Variants in SMG7 observed in about 807,000 individuals in gnomAD.
SMG7 encodes the protein SMG7 nonsense mediated mRNA decay factor.
SMG7 carries 34 observed loss-of-function variants against 148.2 expected under a neutral mutation model. That is an observed-to-expected ratio of 0.23 (90% CI 0.17 to 0.31). The LOEUF (loss-of-function observed/expected upper bound fraction) is 0.31, where lower values mean the gene tolerates loss of function less well. SMG7 is among the 10% of genes least tolerant of loss of function. The probability of loss-of-function intolerance (pLI) is 1.00; values close to 1 mark genes in which losing one functional copy is unlikely to be tolerated. For missense variants in SMG7, 1,114 were observed against 1,408.4 expected (o/e 0.79, Z 3.35); for synonymous variants, 492 against 515.1 (o/e 0.96, Z 0.61).
intron 8 of SMG7, among the ~76,000 whole-genome samples, chr1:183,531,647 G>A (rs1194940757): frequency 1.3e-5 from 2 of 152,096 alleles, no homozygotes; most frequent in Non-Finnish European, 2.9e-5. Flanking sequence ...GTACTAGGGT[G>A]TATTCATATT....
At position 183,546,331 on chromosome 1, in the gene SMG7, G is replaced by A. The variant is rs376353474; in HGVS notation, c.2736G>A (p.Pro912=). Residue 912 remains proline, a synonymous_variant, in exon 17 of 23, where the codon CCG becomes CCA. Coordinates refer to ENST00000688051, the MANE Select transcript of SMG7 (RefSeq NM_001375584.1). ...AGCAGGATCCTGTACCCAGAATGCC[G>A]TTTGAGGTGTGTGTTCTTTCCTATC... ...RPEQDPVPRM[P]FEDPKSSPLL... The A allele has an allele frequency of 1.9e-5, 30 of 1,607,528 alleles. No individual in the cohort carries two copies. Among genetic ancestry groups the A allele is most frequent in the South Asian group, 3.3e-5 (3 of 90,650 alleles).
chr1:183,527,276 G>GT lies in SMG7; in HGVS notation c.484+510dup, dbSNP rs1234052357. 2.0e-5 allele frequency among the ~76,000 whole-genome samples: 3 copies of GT among 152,096 alleles called. No individual in the cohort carries two copies. The highest frequency in any genetic ancestry group is 4.4e-5 in the Non-Finnish European group (3 of 68,034). On this transcript the variant is annotated intron_variant, in intron 5 of 22. Transcript: ENST00000688051. This position sits in a 1 kb window ranked among gnomAD's most constrained non-coding sequence, Gnocchi z 4.0. ...ATTTATTCTTGTTCATTCCTTTAAG[G>GT]TGACCTAGAAAGGTTGTAAAACAAA...
intron 3 of SMG7, 169 bp downstream of exon 3, chr1:183,516,160 C>A: frequency 3.5e-6 from 2 of 574,794 alleles, no homozygotes; most frequent in Non-Finnish European, 6.2e-6. Context: ...ATTTCAAATA[C>A]AGTCTTTGGA....
chr1:183,496,440 A>G (rs929225844), intron 1 of SMG7, among the ~76,000 whole-genome samples: 4 of 152,268 alleles, frequency 2.6e-5, no homozygotes, highest in Admixed American at 2.6e-4. Context: ...CTCTGTAGCT[A>G]CTGCCTCTTT....
rs752241100 is a variant in SMG7, at chr1:183,542,044, T to C, written c.1416-32T>C. 3 of 1,552,720 alleles carry C rather than the reference T, an allele frequency of 1.9e-6. No homozygotes were observed. The African/African-American group carries it at 4.1e-5, about 21-fold the overall frequency. On this transcript the variant is annotated intron_variant, in intron 13 of 22. Coordinates refer to ENST00000688051, the MANE Select transcript of SMG7 (RefSeq NM_001375584.1). ...AGTTGTTATTTTTTAAGTTAATGTT[T>C]TTTATATATGGATTTATTTTTGCTT... is the stretch of plus-strand genomic sequence containing the variant.
chr1:183,544,460 T>C lies in SMG7; in HGVS notation c.1950T>C (p.His650=). Residue 650 remains histidine, a synonymous_variant, in exon 15 of 23, where the codon CAT becomes CAC. Transcript: ENST00000688051. ...GTAACTCCCAGTTCATCCCCATTCA[T>C]CACCCTGGAGCCTTCCCTCCTCTTC... ...QASNSQFIPI[H]HPGAFPPLPS... The C allele has an allele frequency of 6.2e-7, 1 of 1,613,964 alleles. No homozygotes were observed. Among genetic ancestry groups the C allele is most frequent in the South Asian group, 1.1e-5 (1 of 91,076 alleles).
intron 15 of SMG7, 69 bp from the exon 16 acceptor site, chr1:183,544,861 A>C: frequency 1.3e-6 from 2 of 1,536,040 alleles, no homozygotes; most frequent in Non-Finnish European, 1.8e-6. Flanking sequence ...CCTGTTAAAA[A>C]AAAAATGACT....
intron 1 of SMG7, among the ~76,000 whole-genome samples, chr1:183,505,047 A>G (rs927173250): frequency 2.0e-5 from 3 of 150,444 alleles, no homozygotes; most frequent in South Asian, 2.1e-4. Flanking sequence ...TCCTTCTTCA[A>G]CCTATTCATT....
rs1047357793 is a variant in SMG7, at chr1:183,495,739, G to A, written c.30-17098G>A. ...AAAAATTAGCCGAGTGTGGTGGTGC[G>A]TGCCTGTAATCCCACCTACTCGGGA... On this transcript the variant is annotated intron_variant, in intron 1 of 22. Coordinates refer to ENST00000688051, the MANE Select transcript of SMG7 (RefSeq NM_001375584.1). 2.0e-5 allele frequency among the ~76,000 whole-genome samples: 3 copies of A among 152,174 alleles called. No homozygotes were observed. In the South Asian group the frequency reaches 6.2e-4, roughly 32 times the overall value.
At chr1:183,502,998 A>G (rs1660081106) in intron 1 of SMG7, among the ~76,000 whole-genome samples, 1 of 152,168 alleles carries the variant, frequency 6.6e-6, no homozygotes, top group Admixed American at 6.5e-5. Flanking sequence ...CGAGAGTGAT[A>G]CCTCTAGCCT....
intron 18 of SMG7, among the ~76,000 whole-genome samples, chr1:183,548,436 C>T (rs939921639): frequency 6.6e-6 from 1 of 152,026 alleles, no homozygotes; most frequent in Non-Finnish European, 1.5e-5. Context: ...TTCCTGTTCC[C>T]TTAGTGTCCC....
At chr1:183,494,381 TAAAAC>T (rs1237588201) in intron 1 of SMG7, among the ~76,000 whole-genome samples, 1 of 151,428 alleles carries the variant, frequency 6.6e-6, no homozygotes, top group African/African-American at 2.4e-5. Flanking sequence ...TTTTTTTTCT[TAAAAC>T]AATAAATTGA....
rs775854108 is a variant in SMG7, at chr1:183,533,217, C to G, written c.897C>G (p.Val299=). ...CTCAGCAGTTAGTTCATGTCACTGT[C>G]ATTAACCTGTTTCAACTTCATCACC... ...FNSQQLVHVT[V]INLFQLHHLR... Residue 299 remains valine (V), a synonymous_variant, in exon 9 of 23, where the codon GTC becomes GTG. Coordinates refer to ENST00000688051, the MANE Select transcript of SMG7 (RefSeq NM_001375584.1). 1.2e-6 allele frequency: 2 copies of G among 1,613,936 alleles called. No individual in the cohort carries two copies. The highest frequency in any genetic ancestry group is 2.2e-5 in the South Asian group (2 of 91,072).
chr1:183,544,659 T>C (rs749930991), intron 15 of SMG7, among the ~76,000 whole-genome samples, 162 bp downstream of exon 15: 3 of 152,190 alleles, frequency 2.0e-5, no homozygotes, highest in Non-Finnish European at 4.4e-5. Context: ...TTGTGTGTAG[T>C]GTACATACAA....
At chr1:183,521,567 G>C (rs1455173715) in intron 4 of SMG7, among the ~76,000 whole-genome samples, 1 of 152,150 alleles carries the variant, frequency 6.6e-6, no homozygotes, top group Admixed American at 6.5e-5. Flanking sequence ...GCTAAGATGA[G>C]TTTTGAATTT....
chr1:183,544,889 C>T (rs1426353690), intron 15 of SMG7, 41 bp from the exon 16 acceptor site: 4 of 1,569,960 alleles, frequency 2.5e-6, no homozygotes, highest in Admixed American at 2.0e-5. Flanking sequence ...CAATTTTTTG[C>T]TGTTTCCTTA....
Position 183,537,212 on chromosome 1 carries a change from A to G in SMG7, c.1231A>G (p.Ser411Gly). ...HPHEEDLSSI[S>G]ATPLPEEFEL... ...CCATGAAGAGGACCTCTCAAGTATTAGTGGTAAGGGCTACCCTAACCTTGT... is the reference window on the plus strand; with the variant it reads ...CCATGAAGAGGACCTCTCAAGTATTGGTGGTAAGGGCTACCCTAACCTTGT... Residue 411 changes from serine (S) to glycine (G), a missense_variant, in exon 11 of 23, where the codon AGT becomes GGT. This residue lies in a region of SMG7 where 102 missense variants were observed against 147.2 expected (regional missense o/e 0.69). Coordinates refer to ENST00000688051, the MANE Select transcript of SMG7 (RefSeq NM_001375584.1). The G allele has an allele frequency of 6.2e-7, 1 of 1,608,086 alleles. No homozygotes were observed. Among genetic ancestry groups the G allele is most frequent in the Non-Finnish European group, 8.5e-7 (1 of 1,174,618 alleles).
Position 183,486,463 on chromosome 1 carries a change from T to C in SMG7, c.29+13814T>C, listed in dbSNP as rs1655440957. Among the ~76,000 whole-genome samples, 2 of 152,142 alleles carry C rather than the reference T, an allele frequency of 1.3e-5. 1 individual carries two copies. The highest frequency in any genetic ancestry group is 4.1e-4 in the South Asian group (2 of 4,832). On this transcript the variant is annotated intron_variant, in intron 1 of 22. Transcript: ENST00000688051. ...TCTTACTTTGTTGCCCAAACTGGAG[T>C]GCAGTGGTGCCATCTCGGCTCACTG...
Position 183,544,492 on chromosome 1 carries a change from G to A in SMG7, c.1982G>A (p.Arg661Lys), listed in dbSNP as rs1200392386. The A allele has an allele frequency of 6.2e-7, 1 of 1,613,076 alleles. No individual in the cohort carries two copies. The highest frequency in any genetic ancestry group is 1.3e-5 in the African/African-American group (1 of 74,848). ...GGAGCCTTCCCTCCTCTTCCCAGCA[G>A]GCCAGGTAAATATGTTTTGTAATTT... is the stretch of plus-strand genomic sequence containing the variant. ...HPGAFPPLPS[R>K]PGFPPPTYVI... Residue 661 changes from arginine (R) to lysine (K), a missense_variant, in exon 15 of 23, where the codon AGG (arginine) becomes AAG (lysine). Coordinates refer to ENST00000688051, the MANE Select transcript of SMG7 (RefSeq NM_001375584.1).
Sources: allele counts gnomAD v4.1 joint callset (sites outside exome capture counted in the v4.1 genomes callset), GRCh38; gene constraint gnomAD v4.1.1; regional missense constraint gnomAD v4.1.1; non-coding constraint Gnocchi (gnomAD v3.1); transcripts MANE v1.5; gene names NCBI Gene and HGNC (gene_info 2026-07-23, HGNC 2026-07-21).